The following SYT1 variants were observed in gnomAD, a reference collection of about 807,000 sequenced individuals.
The protein encoded by SYT1 is synaptotagmin-1.
SYT1 carries 8 observed loss-of-function variants against 44.8 expected under a neutral mutation model. That is an observed-to-expected ratio of 0.18 (90% CI 0.10 to 0.32). The LOEUF (loss-of-function observed/expected upper bound fraction) is 0.32, where lower values mean the gene tolerates loss of function less well. Among genes scored for constraint, SYT1 ranks in the 10% least tolerant of loss-of-function variants. The pLI is 1.00. For missense variants in SYT1, 286 were observed against 509.3 expected (o/e 0.56, Z 4.22); for synonymous variants, 154 against 188.8 (o/e 0.82, Z 1.51).
chr12:79,162,828 A>G (rs1173981193), intron 3 of SYT1, among the ~76,000 whole-genome samples: 1 of 150,772 alleles, frequency 6.6e-6, no homozygotes, highest in Non-Finnish European at 1.5e-5. Context: ...ATAGAGTTGA[A>G]TAAACTTTAT....
intron 9 of SYT1, among the ~76,000 whole-genome samples, chr12:79,430,826 T>C (rs1011917723): frequency 6.6e-6 from 1 of 152,166 alleles, no homozygotes; most frequent in African/African-American, 2.4e-5. Flanking sequence ...AGACGCTCAG[T>C]AGGTATTTAT....
intron 1 of SYT1, among the ~76,000 whole-genome samples, chr12:78,955,029 A>G (rs533752926): frequency 2.2e-4 from 33 of 152,256 alleles, no homozygotes; most frequent in Admixed American, 2.0e-3. Flanking sequence ...CCATCTGCTG[A>G]GTTCATGTGC....
chr12:79,055,964 A>G (rs1219280868), intron 3 of SYT1, among the ~76,000 whole-genome samples: 1 of 152,014 alleles, frequency 6.6e-6, no homozygotes, highest in Non-Finnish European at 1.5e-5. Context: ...TTTTTACTGT[A>G]CCTTTTCTGT....
At chr12:79,023,634 T>A (rs1872332815) in intron 2 of SYT1, among the ~76,000 whole-genome samples, 1 of 151,846 alleles carries the variant, frequency 6.6e-6, no homozygotes, top group South Asian at 2.1e-4. Flanking sequence ...TATATATAAC[T>A]GACAATAATA....
At chr12:79,088,911 A>G (rs557811942) in intron 3 of SYT1, among the ~76,000 whole-genome samples, 5 of 152,160 alleles carry the variant, frequency 3.3e-5, no homozygotes, top group Admixed American at 1.3e-4. Flanking sequence ...ATTTTGGCCT[A>G]AGCAGAAAAA....
At chr12:78,953,138 G>T (rs770582829) in intron 1 of SYT1, among the ~76,000 whole-genome samples, 10 of 152,050 alleles carry the variant, frequency 6.6e-5, no homozygotes, top group Non-Finnish European at 1.0e-4. Flanking sequence ...GCGGTGGTAG[G>T]AATCAATGCA....
At chr12:79,092,994 C>A (rs1461324996) in intron 3 of SYT1, among the ~76,000 whole-genome samples, 1 of 151,608 alleles carries the variant, frequency 6.6e-6, no homozygotes, top group African/African-American at 2.4e-5. Flanking sequence ...AAATTTCATA[C>A]AATTTTGGAA....
At chr12:79,281,153 T>A (rs1449850716) in intron 4 of SYT1, among the ~76,000 whole-genome samples, 1 of 152,004 alleles carries the variant, frequency 6.6e-6, no homozygotes, top group African/African-American at 2.4e-5. Flanking sequence ...CTAATGGATA[T>A]CTACCCAAAG....
chr12:78,921,149 A>G (rs568523569), intron 1 of SYT1, among the ~76,000 whole-genome samples: 1 of 152,008 alleles, frequency 6.6e-6, no homozygotes, highest in Non-Finnish European at 1.5e-5. Flanking sequence ...TAAGTTCTCT[A>G]TCTCATGTTT....
intron 8 of SYT1, among the ~76,000 whole-genome samples, chr12:79,307,645 G>T (rs1283986030): frequency 1.3e-5 from 2 of 151,176 alleles, no homozygotes; most frequent in African/African-American, 4.9e-5. Flanking sequence ...CGTGGGGGGG[G>T]GCGGCAGGAG....
At chr12:79,132,352 G>A (rs1325278201) in intron 3 of SYT1, among the ~76,000 whole-genome samples, 1 of 151,858 alleles carries the variant, frequency 6.6e-6, no homozygotes, top group East Asian at 1.9e-4. Flanking sequence ...AGGAGGCTGA[G>A]GCAGGAGAAT....
intron 8 of SYT1, among the ~76,000 whole-genome samples, chr12:79,336,796 A>G (rs1022659810): frequency 1.3e-5 from 2 of 152,232 alleles, no homozygotes; most frequent in Middle Eastern, 3.4e-3. Flanking sequence ...TGCTGGGCCA[A>G]TTATTTATTT....
At chr12:79,417,907 A>G (rs919072259) in intron 9 of SYT1, among the ~76,000 whole-genome samples, 4 of 151,806 alleles carry the variant, frequency 2.6e-5, no homozygotes, top group Admixed American at 1.3e-4. Context: ...TGGGCCTAAG[A>G]TGGGGCCCGA....
At chr12:79,301,565 G>A (rs1020754240) in intron 8 of SYT1, among the ~76,000 whole-genome samples, 1 of 152,068 alleles carries the variant, frequency 6.6e-6, no homozygotes, top group African/African-American at 2.4e-5. Context: ...GAAGTACCCA[G>A]CATAGAGTCT....
chr12:79,013,650 T>C (rs1871574076), intron 2 of SYT1, among the ~76,000 whole-genome samples: 1 of 152,132 alleles, frequency 6.6e-6, no homozygotes, highest in Non-Finnish European at 1.5e-5. Context: ...AAATATCCAA[T>C]CCAGTCCAGT....
At chr12:79,180,613 C>T (rs1267628613) in intron 3 of SYT1, among the ~76,000 whole-genome samples, 1 of 151,902 alleles carries the variant, frequency 6.6e-6, no homozygotes, top group Non-Finnish European at 1.5e-5. Flanking sequence ...GAAGGAGGAG[C>T]AGGCGTCTCA....
rs1007404914 is a variant in SYT1, at chr12:79,386,109, G to A, written c.928+32490G>A. On this transcript the variant is annotated intron_variant, in intron 9 of 10. Coordinates refer to ENST00000261205, the MANE Select transcript of SYT1 (RefSeq NM_005639.3). ...TGGGGCCTTGAATTACCCCTTAAAG[G>A]TTGTATGGTGCATTACCCTGCTATT... 2.6e-4 allele frequency among the ~76,000 whole-genome samples: 39 copies of A among 152,178 alleles called. 1 individual carries two copies. Among genetic ancestry groups the A allele is most frequent in the African/African-American group, 9.1e-4 (38 of 41,542 alleles).
In SYT1 at chr12:79,364,633, C is replaced by T. The variant is rs141645608; in HGVS notation, c.928+11014C>T. Among the ~76,000 whole-genome samples, 7 of 152,096 alleles carry T rather than the reference C, an allele frequency of 4.6e-5. No homozygotes were observed. The East Asian group carries it at 9.6e-4, about 21-fold the overall frequency. ...TATTTAACTTAAAAAAAGAATTAAGCGCATTTATTTTATATCCTCAGAACC... is the reference window on the plus strand; with the variant it reads ...TATTTAACTTAAAAAAAGAATTAAGTGCATTTATTTTATATCCTCAGAACC... On this transcript the variant is annotated intron_variant, in intron 9 of 10. Coordinates refer to ENST00000261205, the MANE Select transcript of SYT1 (RefSeq NM_005639.3).
At chr12:79,068,620 T>A (rs949794378) in intron 3 of SYT1, among the ~76,000 whole-genome samples, 5 of 152,166 alleles carry the variant, frequency 3.3e-5, no homozygotes, top group African/African-American at 1.2e-4. Flanking sequence ...GCCCTCTGTT[T>A]AAATGAGTTT....
Sources: gnomAD v4.1 joint callset for allele counts (sites outside exome capture counted in the v4.1 genomes callset) on GRCh38, gnomAD v4.1.1 for gene constraint, MANE v1.5 for transcripts, NCBI Gene and HGNC (gene_info 2026-07-23, HGNC 2026-07-21) for gene names.